P2RY2: variants seen among roughly 807,000 people sequenced by gnomAD.
The protein encoded by P2RY2 is P2Y purinoceptor 2.
For synonymous variants in P2RY2, 241 were observed against 231.9 expected (o/e 1.04, Z -0.35); for missense variants, 567 against 515.7 (o/e 1.10, Z -0.96).
chr11:73,229,740 A>G (rs966552038), intron 2 of P2RY2, among the ~76,000 whole-genome samples: 1 of 152,068 alleles, frequency 6.6e-6, no homozygotes, highest in Admixed American at 6.5e-5. Flanking sequence ...CAGAGATTCC[A>G]CTGTTAGGGA....
intron 1 of P2RY2, among the ~76,000 whole-genome samples, chr11:73,220,695 C>T (rs889680596): frequency 1.3e-5 from 2 of 152,170 alleles, no homozygotes; most frequent in Non-Finnish European, 2.9e-5. Context: ...CTCCTCTTCT[C>T]CCTGCCTTGG....
Position 73,234,448 on chromosome 11 carries a change from G to A in P2RY2, c.289G>A (p.Asp97Asn). The stretch of plus-strand genomic sequence containing the variant: ...GCTGGTCTATTACTACGCCCGCGGC[G>A]ACCACTGGCCCTTCAGCACGGTGCT... ...PLLVYYYARG[D>N]HWPFSTVLCK... The change falls in exon 3 of 3, where the codon GAC becomes AAC. Residue 97 changes from aspartate to asparagine, a missense_variant. Coordinates refer to ENST00000393597, the MANE Select transcript of P2RY2 (RefSeq NM_002564.4). The A allele has an allele frequency of 1.9e-6, 3 of 1,614,116 alleles. No individual in the cohort carries two copies. The highest frequency in any genetic ancestry group is 2.5e-6 in the Non-Finnish European group (3 of 1,180,040).
rs4382936 is a variant in P2RY2 at position 73,241,355 on chromosome 11, A to C, written c.*6062A>C. 54,892 of 152,346 alleles carry C rather than the reference A, an allele frequency of 0.36. 10,553 individuals are homozygous for C. The highest frequency in any genetic ancestry group is 0.68 in the East Asian group (3,526 of 5,180). The allele number at this position is 152,346 out of a possible 1,614,324, so 9.4% of individuals were successfully genotyped here. ...GCTGATGCAGGAGCAGGGCTCTGGC[A>C]CAGTTCAGCCATCACCAATTCTGGG... On this transcript the variant is annotated 3_prime_UTR_variant, in exon 3 of 3. Coordinates refer to ENST00000393597, the MANE Select transcript of P2RY2 (RefSeq NM_002564.4).
intron 2 of P2RY2, among the ~76,000 whole-genome samples, chr11:73,228,777 C>T (rs1862360362): frequency 1.3e-5 from 2 of 152,168 alleles, no homozygotes; most frequent in South Asian, 4.1e-4. Flanking sequence ...GCATTTTTGT[C>T]CTTGAGAGGC....
rs1862754793 is a variant in P2RY2 at position 73,240,602 on chromosome 11, G to A, written c.*5309G>A. The A allele has an allele frequency of 6.6e-6, 1 of 152,266 alleles. No homozygotes were observed. Among genetic ancestry groups the A allele is most frequent in the Admixed American group, 6.5e-5 (1 of 15,284 alleles). The allele number at this position is 152,266 out of a possible 1,614,324, so 9.4% of individuals were successfully genotyped here. A position where few individuals can be genotyped will look rare whatever the true frequency, so the allele number is the denominator to read the frequency against. ...TTAGTGGGACTGGTGGCCCAGAGAGGGCTGTGCCTTACCCAGTCACACAGC... is the reference window on the plus strand; with the variant it reads ...TTAGTGGGACTGGTGGCCCAGAGAGAGCTGTGCCTTACCCAGTCACACAGC... On this transcript the variant is annotated 3_prime_UTR_variant, in exon 3 of 3. Transcript: ENST00000393597.
chr11:73,241,818 A>G lies in P2RY2; in HGVS notation c.*6525A>G, dbSNP rs1862780518. The G allele has an allele frequency of 6.6e-6, 1 of 152,146 alleles. No homozygotes were observed. 9.4% of individuals were successfully genotyped at this position (152,146 alleles called of 1,614,324 possible). On this transcript the variant is annotated 3_prime_UTR_variant, in exon 3 of 3. Transcript: ENST00000393597. The stretch of plus-strand genomic sequence containing the variant: ...GGGCCATCAGTGCCCCCTGCACAGA[A>G]CTCTCCAAACATCAGTCCACACCTT...
rs1626154 is a variant in P2RY2, at chr11:73,235,159, C to A, written c.1000C>A (p.Arg334Ser). 1 of 1,608,474 alleles carries A rather than the reference C, an allele frequency of 6.2e-7. No homozygotes were observed. Among genetic ancestry groups the A allele is most frequent in the South Asian group, 1.1e-5 (1 of 90,972 alleles). Residue 334 changes from arginine (R) to serine (S), a missense_variant, in exon 3 of 3, where the codon CGC becomes AGC. Coordinates refer to ENST00000393597, the MANE Select transcript of P2RY2 (RefSeq NM_002564.4). Reference sequence around the variant, plus strand: ...CCCCAGCCCTGCCACCCCGGCTCGCCGCAGGCTGGGCCTGCGCAGATCCGA... The same window carrying A: ...CCCCAGCCCTGCCACCCCGGCTCGCAGCAGGCTGGGCCTGCGCAGATCCGA... ...TGPSPATPAR[R>S]RLGLRRSDRT... is the part of the protein sequence containing the mutation.
At position 73,234,690 on chromosome 11, in the gene P2RY2, C is replaced by G; in HGVS notation, c.531C>G (p.Arg177=). 1 of 1,603,560 alleles carries G rather than the reference C, an allele frequency of 6.2e-7. No homozygotes were observed. The change falls in exon 3 of 3, where the codon CGC becomes CGG. Residue 177 remains arginine (R), a synonymous_variant. Coordinates refer to ENST00000393597, the MANE Select transcript of P2RY2 (RefSeq NM_002564.4). ...TCTACTTTGTCACCACCAGCGCGCG[C>G]GGGGGCCGCGTAACCTGCCACGACA... ...PVLYFVTTSA[R]GGRVTCHDTS... is the part of the protein sequence containing the mutation.
In P2RY2 at chr11:73,241,448, C is replaced by T. The variant is rs1364295928; in HGVS notation, c.*6155C>T. On this transcript the variant is annotated 3_prime_UTR_variant, in exon 3 of 3. Coordinates refer to ENST00000393597, the MANE Select transcript of P2RY2 (RefSeq NM_002564.4). ...TACCAATACCTCTTTTCCCGGTTTA[C>T]TAGACAGAGACAATGCAGTGAGGCA... The T allele has an allele frequency of 6.6e-6, 1 of 152,618 alleles. No homozygotes were observed. The highest frequency in any genetic ancestry group is 1.5e-5 in the Non-Finnish European group (1 of 68,264). The allele number at this position is 152,618 out of a possible 1,614,324, so 9.5% of individuals were successfully genotyped here.
At position 73,234,631 on chromosome 11, in the gene P2RY2, T is replaced by C. The variant is rs1266017443; in HGVS notation, c.472T>C (p.Trp158Arg). ...CGCTCGCCGGGTGGCCGGGGCCGTGTGGGTGTTGGTGCTGGCCTGCCAGGC... is the reference window on the plus strand; with the variant it reads ...CGCTCGCCGGGTGGCCGGGGCCGTGCGGGTGTTGGTGCTGGCCTGCCAGGC... ...RYARRVAGAV[W>R]VLVLACQAPV... Residue 158 changes from tryptophan to arginine, a missense_variant, in exon 3 of 3, where the codon TGG (tryptophan) becomes CGG (arginine). By Grantham distance (101) the Trp-to-Arg change is moderately radical. Coordinates refer to ENST00000393597, the MANE Select transcript of P2RY2 (RefSeq NM_002564.4). The C allele has an allele frequency of 7.0e-6, 11 of 1,572,074 alleles. No individual in the cohort carries two copies. The Admixed American group carries it at 1.9e-4, about 28-fold the overall frequency.
chr11:73,230,518 C>A (rs1862420868), intron 2 of P2RY2, among the ~76,000 whole-genome samples: 1 of 152,122 alleles, frequency 6.6e-6, no homozygotes, highest in South Asian at 2.1e-4. Context: ...AATGACTCGA[C>A]CCTCACAGCA....
In P2RY2 at chr11:73,238,162, G is replaced by A. The variant is rs1565148308; in HGVS notation, c.*2869G>A. 6.6e-6 allele frequency among the ~76,000 whole-genome samples: 1 copy of A among 152,226 alleles called. No homozygotes were observed. The highest frequency in any genetic ancestry group is 2.4e-5 in the African/African-American group (1 of 41,450). On this transcript the variant is annotated 3_prime_UTR_variant, in exon 3 of 3. Transcript: ENST00000393597. The stretch of plus-strand genomic sequence containing the variant: ...AAGCAAGTGCCTTGGTGACGATCCT[G>A]CTGTCACTCACACTGCCCAGCTCTT...
chr11:73,242,180 T>G lies in P2RY2; in HGVS notation c.*6887T>G, dbSNP rs1862789221. ...AAAGCGGGCTATTTTACCCCATGTG[T>G]CCTCAGATTTATGTCCTGGAACCAA... On this transcript the variant is annotated 3_prime_UTR_variant, in exon 3 of 3. Coordinates refer to ENST00000393597, the MANE Select transcript of P2RY2 (RefSeq NM_002564.4). 1 of 152,148 alleles carries G rather than the reference T, an allele frequency of 6.6e-6. No individual in the cohort carries two copies. The highest frequency in any genetic ancestry group is 2.4e-5 in the African/African-American group (1 of 41,414). 9.4% of individuals were successfully genotyped at this position (152,148 alleles called of 1,614,324 possible). A position where few individuals can be genotyped will look rare whatever the true frequency, so the allele number is the denominator to read the frequency against.
At chr11:73,234,077 CTGGTCAGG>C (rs1862538536) in intron 2 of P2RY2, 71 bp from the exon 3 acceptor site, 2 of 1,500,156 alleles carry the variant, frequency 1.3e-6, no homozygotes, top group South Asian at 2.7e-5. Flanking sequence ...AATGAAAGCC[CTGGTCAGG>C]TGGCTGTGTC....
chr11:73,224,749 C>T (rs143489967), intron 1 of P2RY2, among the ~76,000 whole-genome samples: 181 of 152,320 alleles, frequency 1.2e-3, no homozygotes, highest in African/African-American at 4.0e-3. Flanking sequence ...TTGTGACCTT[C>T]CTGTATCCCC....
intron 1 of P2RY2, among the ~76,000 whole-genome samples, chr11:73,225,338 G>C (rs893029614): frequency 6.6e-6 from 1 of 152,252 alleles, no homozygotes; most frequent in African/African-American, 2.4e-5. Context: ...CCAGGTCAGG[G>C]GGTTACAGGT....
At chr11:73,222,705 C>A (rs1296295846) in intron 1 of P2RY2, among the ~76,000 whole-genome samples, 1 of 152,160 alleles carries the variant, frequency 6.6e-6, no homozygotes, top group East Asian at 1.9e-4. Flanking sequence ...GCCCACCTGA[C>A]AAACTCCTAA....
chr11:73,240,486 A>G lies in P2RY2; in HGVS notation c.*5193A>G, dbSNP rs1248739803. 2 of 152,240 alleles carry G rather than the reference A, an allele frequency of 1.3e-5. No individual in the cohort carries two copies. Among genetic ancestry groups the G allele is most frequent in the East Asian group, 1.9e-4 (1 of 5,200 alleles). The allele number at this position is 152,240 out of a possible 1,614,324, so 9.4% of individuals were successfully genotyped here. A position where few individuals can be genotyped will look rare whatever the true frequency, so the allele number is the denominator to read the frequency against. The stretch of plus-strand genomic sequence containing the variant: ...CTGGGGCTCTTAACTCCTGAAGGCC[A>G]TTGTGAAACATCACGTGAGACTCCT... On this transcript the variant is annotated 3_prime_UTR_variant, in exon 3 of 3. Transcript: ENST00000393597.
chr11:73,234,903 C>A lies in P2RY2; in HGVS notation c.744C>A (p.Ala248=). 6.2e-7 allele frequency: 1 copy of A among 1,610,842 alleles called. No homozygotes were observed. Among genetic ancestry groups the A allele is most frequent in the Non-Finnish European group, 8.5e-7 (1 of 1,179,896 alleles). ...AGCGCAAGTCCGTGCGCACCATCGC[C>A]GTGGTGCTGGCTGTCTTCGCCCTCT... ...RAKRKSVRTI[A]VVLAVFALCF... is the part of the protein sequence containing the mutation. Residue 248 remains alanine (A), a synonymous_variant, in exon 3 of 3, where the codon GCC becomes GCA. Coordinates refer to ENST00000393597, the MANE Select transcript of P2RY2 (RefSeq NM_002564.4).
Sources: gnomAD v4.1 joint callset for allele counts (sites outside exome capture counted in the v4.1 genomes callset) on GRCh38, gnomAD v4.1.1 for gene constraint, MANE v1.5 for transcripts, NCBI Gene and HGNC (gene_info 2026-07-23, HGNC 2026-07-21) for gene names.